The following SEPTIN3 variants were observed in gnomAD, a reference collection of about 807,000 sequenced individuals.
SEPTIN3 encodes the protein neuronal-specific septin-3.
In SEPTIN3, 15 loss-of-function variants were observed where a neutral mutation model predicts 45.1. That is an observed-to-expected ratio of 0.33 (90% confidence interval 0.22 to 0.51). The LOEUF (loss-of-function observed/expected upper bound fraction) is 0.51. Ranked by LOEUF, SEPTIN3 falls within the 20% of genes least tolerant of loss-of-function variation. The pLI, the probability that SEPTIN3 is intolerant of heterozygous loss-of-function variation, is 0.97. For synonymous variants in SEPTIN3, 148 were observed against 164.8 expected, an observed-to-expected ratio of 0.90 and a Z score of 0.78; for missense variants, 289 against 457.2, an observed-to-expected ratio of 0.63 and a Z score of 3.35.
Position 41,994,069 on chromosome 22 carries a change from C to T in SEPTIN3, c.2360-221C>T, listed in dbSNP as rs193245825. Among the ~76,000 whole-genome samples, 2 of 152,152 alleles carry T rather than the reference C, an allele frequency of 1.3e-5. No individual in the cohort carries two copies. Among genetic ancestry groups the T allele is most frequent in the South Asian group, 2.1e-4 (1 of 4,828 alleles). On this transcript the variant is annotated intron_variant, in intron 9 of 11. Transcript: ENST00000644076. This position sits in a 1 kb window ranked among gnomAD's most constrained non-coding sequence, Gnocchi z 4.2. ...GTCCCTCTTGGCTATTATGCCACAG[C>T]GTCTAGAAGGATGTCGTGCCCATTG...
Position 41,972,295 on chromosome 22 carries a change from A to C in SEPTIN3, c.803A>C (p.His268Pro). The C allele has an allele frequency of 7.5e-6, 3 of 399,188 alleles. No homozygotes were observed. Among genetic ancestry groups the C allele is most frequent in the Non-Finnish European group, 1.3e-5 (3 of 226,148 alleles). 24.7% of individuals were successfully genotyped at this position (399,188 alleles called of 1,614,324 possible). A position where few individuals can be genotyped will look rare whatever the true frequency, so the allele number is the denominator to read the frequency against. The part of the protein sequence containing the change: ...AMDTRTDAAR[H>P]LATMATNRPS... ...GACACAAGGACAGACGCAGCCAGAC[A>C]TTTAGCCACAATGGCCACCAACAGA... is the stretch of plus-strand genomic sequence containing the variant. The change falls in exon 2 of 12, where the codon CAT becomes CCT. Residue 268 changes from histidine to proline, a missense_variant. Coordinates refer to ENST00000644076, the MANE Select transcript of SEPTIN3 (RefSeq NM_001363845.2).
rs772814428 is a variant in SEPTIN3, at chr22:41,987,702, G to A, written c.1988G>A (p.Arg663His). 8 of 1,613,858 alleles carry A rather than the reference G, an allele frequency of 5.0e-6. No individual in the cohort carries two copies. Among genetic ancestry groups the A allele is most frequent in the Middle Eastern group, 1.6e-4 (1 of 6,084 alleles). ...GAGGTCAACATCGCCAGGAAGAAACGCATCCCTGACACTCGTGTCCACTGC... is the reference window on the plus strand; with the variant it reads ...GAGGTCAACATCGCCAGGAAGAAACACATCCCTGACACTCGTGTCCACTGC... ...KEEVNIARKK[R>H]IPDTRVHCCL... is the part of the protein sequence containing the mutation. Residue 663 changes from arginine to histidine, a missense_variant, in exon 6 of 12, where the codon CGC becomes CAC. Physicochemically the swap from Arg to His is conservative, Grantham distance 29. Transcript: ENST00000644076.
intron 2 of SEPTIN3, chr22:41,977,157 A>G: frequency 7.0e-7 from 1 of 1,426,956 alleles, no homozygotes; most frequent in East Asian, 2.6e-5. Context: ...CTCCTGGGGG[A>G]GGGTTTCCGC....
In SEPTIN3 at chr22:41,991,679, G is replaced by A; in HGVS notation, c.2259+11G>A. The A allele has an allele frequency of 6.4e-7, 1 of 1,565,084 alleles. No individual in the cohort carries two copies. The highest frequency in any genetic ancestry group is 1.1e-5 in the South Asian group (1 of 90,030). On this transcript the variant is annotated intron_variant, in intron 8 of 11. Coordinates refer to ENST00000644076, the MANE Select transcript of SEPTIN3 (RefSeq NM_001363845.2). ...AATGACAAAATCAGGGTGGGTGCCTGGGGCACTGCTCCTCCACTGATGCCC... is the reference window on the plus strand; with the variant it reads ...AATGACAAAATCAGGGTGGGTGCCTAGGGCACTGCTCCTCCACTGATGCCC...
At chr22:41,987,372 C>T (rs1426176713) in intron 5 of SEPTIN3, 85 bp downstream of exon 5, 1 of 1,279,794 alleles carries the variant, frequency 7.8e-7, no homozygotes, top group African/African-American at 1.5e-5. Flanking sequence ...ACGTTGAGAA[C>T]CATCTGCACC....
intron 3 of SEPTIN3, among the ~76,000 whole-genome samples, chr22:41,983,174 TA>T (rs2078149761): frequency 6.6e-6 from 1 of 152,230 alleles, no homozygotes; most frequent in Admixed American, 6.5e-5. Flanking sequence ...TGCAGCAAGA[TA>T]AGCTCAGCTG....
chr22:41,997,120 T>C lies in SEPTIN3; in HGVS notation c.*153T>C. ...GGGGCCAGCTGCCTCTTTAGGCCAG[T>C]TGCATCCTCCATTTATCCAAACCAC... On this transcript the variant is annotated 3_prime_UTR_variant, in exon 12 of 12. Coordinates refer to ENST00000644076, the MANE Select transcript of SEPTIN3 (RefSeq NM_001363845.2). 6 of 1,407,862 alleles carry C rather than the reference T, an allele frequency of 4.3e-6. No individual in the cohort carries two copies. In the South Asian group the frequency reaches 6.8e-5, roughly 16 times the overall value. 87.2% of individuals were successfully genotyped at this position (1,407,862 alleles called of 1,614,324 possible). A position where few individuals can be genotyped will look rare whatever the true frequency, so the allele number is the denominator to read the frequency against.
In SEPTIN3 at chr22:41,987,283, A is replaced by C; in HGVS notation, c.1903A>C (p.Asn635His). 6.2e-7 allele frequency: 1 copy of C among 1,612,366 alleles called. No homozygotes were observed. The highest frequency in any genetic ancestry group is 8.5e-7 in the Non-Finnish European group (1 of 1,179,058). Residue 635 changes from asparagine (N) to histidine (H), a missense_variant, in exon 5 of 12, where the codon AAC becomes CAC. By Grantham distance (68) the Asn-to-His change is moderately conservative. Coordinates refer to ENST00000644076, the MANE Select transcript of SEPTIN3 (RefSeq NM_001363845.2). ...CTTTGGAGACCAAATCAACAATGAA[A>C]ACTGGTATCTGTCTGCCTCTGAGAT... ...PGFGDQINNENCWEPIEKYIN... is the reference protein window; with the variant it reads ...PGFGDQINNEHCWEPIEKYIN...
At chr22:41,996,243 T>G (rs1273005001) in intron 11 of SEPTIN3, 1 of 985,122 alleles carries the variant, frequency 1.0e-6, no homozygotes, top group Non-Finnish European at 1.2e-6. Flanking sequence ...ATATTTCCCC[T>G]GCTTGTTGTA....
chr22:41,995,012 C>G, intron 11 of SEPTIN3: 1 of 1,282,868 alleles, frequency 7.8e-7, no homozygotes, highest in Non-Finnish European at 9.9e-7. Flanking sequence ...GTAAGTTTGG[C>G]TCCTCCATGC....
In SEPTIN3 at chr22:41,997,049, C is replaced by A. The variant is rs1237868992; in HGVS notation, c.*82C>A. 1.9e-6 allele frequency: 3 copies of A among 1,603,578 alleles called. No homozygotes were observed. Among genetic ancestry groups the A allele is most frequent in the Admixed American group, 1.7e-5 (1 of 59,590 alleles). ...GCCAAGCCCTTTTTAGTGCTGTGCTCGTCCAGCTCACCACCACAGCCCCTC... is the reference window on the plus strand; with the variant it reads ...GCCAAGCCCTTTTTAGTGCTGTGCTAGTCCAGCTCACCACCACAGCCCCTC... On this transcript the variant is annotated 3_prime_UTR_variant, in exon 12 of 12. Transcript: ENST00000644076.
At position 41,994,984 on chromosome 22, in the gene SEPTIN3, C is replaced by A; in HGVS notation, c.2505+270C>A. On this transcript the variant is annotated intron_variant, in intron 11 of 11. Coordinates refer to ENST00000644076, the MANE Select transcript of SEPTIN3 (RefSeq NM_001363845.2). The surrounding 1 kb of genome is among the most constrained non-coding windows in gnomAD (Gnocchi z 4.2). The stretch of plus-strand genomic sequence containing the variant: ...GCAGGGGTGAGGTATTTTCACTGCC[C>A]TCCCTGGAGAGTCCCTTGTAAGTTT... The A allele has an allele frequency of 7.4e-7, 1 of 1,347,026 alleles. No homozygotes were observed. Among genetic ancestry groups the A allele is most frequent in the Non-Finnish European group, 9.6e-7 (1 of 1,045,946 alleles). 83.4% of individuals were successfully genotyped at this position (1,347,026 alleles called of 1,614,324 possible).
At position 41,993,852 on chromosome 22, in the gene SEPTIN3, G is replaced by A. The variant is rs561704703; in HGVS notation, c.2360-438G>A. Among the ~76,000 whole-genome samples, 5 of 152,262 alleles carry A rather than the reference G, an allele frequency of 3.3e-5. No individual in the cohort carries two copies. The East Asian group carries it at 9.6e-4, about 29-fold the overall frequency. On this transcript the variant is annotated intron_variant, in intron 9 of 11. Coordinates refer to ENST00000644076, the MANE Select transcript of SEPTIN3 (RefSeq NM_001363845.2). ...CTTGGCCAATGATTTGCAAATACTA[G>A]GTATTCAATATATGTTGAATTGGAT...
chr22:41,989,657 G>A lies in SEPTIN3; in HGVS notation c.2136G>A (p.Leu712=), dbSNP rs1314265279. 2.5e-6 allele frequency: 4 copies of A among 1,612,980 alleles called. No individual in the cohort carries two copies. Among genetic ancestry groups the A allele is most frequent in the Middle Eastern group, 1.6e-4 (1 of 6,084 alleles). ...TTGCTAAGGCTGACACCATGACCCT[G>A]GAGGAGAAGTCTGAATTCAAGCAAA... The part of the protein sequence containing the change: ...PVIAKADTMT[L]EEKSEFKQRV... The change falls in exon 7 of 12, where the codon CTG becomes CTA. Residue 712 remains leucine (L), a synonymous_variant. Coordinates refer to ENST00000644076, the MANE Select transcript of SEPTIN3 (RefSeq NM_001363845.2).
intron 11 of SEPTIN3, 21 bp from the exon 12 acceptor site, chr22:41,996,881 C>T (rs1602427283): frequency 1.2e-6 from 2 of 1,613,342 alleles, no homozygotes; most frequent in Admixed American, 3.3e-5. Flanking sequence ...ACACCCTCAA[C>T]CGTTCTCAAC....
intron 1 of SEPTIN3, among the ~76,000 whole-genome samples, chr22:41,970,917 C>T (rs890474288): frequency 6.6e-6 from 1 of 152,218 alleles, no homozygotes; most frequent in African/African-American, 2.4e-5. Flanking sequence ...CAGCACTAGG[C>T]CAGCTCAGGG....
At chr22:41,978,766 T>G (rs545868360) in intron 2 of SEPTIN3, among the ~76,000 whole-genome samples, 4 of 152,100 alleles carry the variant, frequency 2.6e-5, no homozygotes, top group African/African-American at 9.6e-5. Flanking sequence ...ATGGCCTAGA[T>G]GGGATGGAAT....
intron 3 of SEPTIN3, 38 bp from the exon 4 acceptor site, chr22:41,985,946 G>A (rs1439769439): frequency 6.4e-7 from 1 of 1,569,260 alleles, no homozygotes; most frequent in Non-Finnish European, 8.6e-7. Context: ...GGAGGTGGAT[G>A]CAGAGTCTCC....
chr22:41,978,191 T>C (rs988626638), intron 2 of SEPTIN3, among the ~76,000 whole-genome samples: 1 of 152,208 alleles, frequency 6.6e-6, no homozygotes, highest in Non-Finnish European at 1.5e-5. Context: ...TCAGCTGCTC[T>C]GCATGGGGAG....
Sources: gnomAD v4.1 joint callset for allele counts (sites outside exome capture counted in the v4.1 genomes callset) on GRCh38, gnomAD v4.1.1 for gene constraint, Gnocchi (gnomAD v3.1) non-coding constraint, MANE v1.5 for transcripts, NCBI Gene and HGNC (gene_info 2026-07-23, HGNC 2026-07-21) for gene names.